Variants in PTPRD observed in about 807,000 individuals in gnomAD.
The protein encoded by PTPRD is protein tyrosine phosphatase receptor type D, also known as receptor-type tyrosine-protein phosphatase delta.
In PTPRD, 34 loss-of-function variants were observed where a neutral mutation model predicts 214.5. That is an observed-to-expected ratio of 0.16 (90% CI 0.12 to 0.21). The LOEUF (loss-of-function observed/expected upper bound fraction) is 0.21, where lower values mean the gene tolerates loss of function less well. PTPRD is among the 10% of genes least tolerant of loss of function. The probability of loss-of-function intolerance (pLI) is 1.00; values close to 1 mark genes in which losing one functional copy is unlikely to be tolerated. For missense variants in PTPRD, 2,545 were observed against 2,398.7 expected, an observed-to-expected ratio of 1.06 and a Z score of -1.27; for synonymous variants, 1,128 against 845.7, an observed-to-expected ratio of 1.33 and a Z score of -5.79.
chr9:9,257,158 G>T (rs188279842), intron 9 of PTPRD, among the ~76,000 whole-genome samples: 3 of 151,968 alleles, frequency 2.0e-5, no homozygotes, highest in East Asian at 3.9e-4. Context: ...CCTCTTTTGT[G>T]GGGGGTAGAA....
chr9:10,528,496 A>C (rs572718985), intron 2 of PTPRD, among the ~76,000 whole-genome samples: 32 of 152,276 alleles, frequency 2.1e-4, no homozygotes, highest in African/African-American at 7.5e-4. Flanking sequence ...TTTTACCACC[A>C]CAAGAATGTC....
rs181816573 is a variant in PTPRD, at chr9:9,246,394, A to G, written c.-202-63031T>C. ...CAGAAAAATCACCAGATTAGCTTAT[A>G]CATACACAAACTTTGTGCCTATTCC... On this transcript the variant is annotated intron_variant, in intron 9 of 45. Coordinates refer to ENST00000381196, the MANE Select transcript of PTPRD (RefSeq NM_002839.4). 4.6e-5 allele frequency among the ~76,000 whole-genome samples: 7 copies of G among 152,200 alleles called. No individual in the cohort carries two copies. In the East Asian group the frequency reaches 1.4e-3, roughly 30 times the overall value.
At chr9:10,053,164 T>C (rs2097564311) in intron 3 of PTPRD, among the ~76,000 whole-genome samples, 1 of 152,210 alleles carries the variant, frequency 6.6e-6, no homozygotes, top group East Asian at 1.9e-4. Context: ...GATTGACTTA[T>C]GATCCATGTA....
intron 39 of PTPRD, among the ~76,000 whole-genome samples, chr9:8,344,718 G>A (rs1275394550): frequency 6.6e-6 from 1 of 151,948 alleles, no homozygotes; most frequent in Admixed American, 6.6e-5. Context: ...TTCGCTTGAA[G>A]CAAGACCTTG....
At chr9:8,595,655 C>T (rs1041758756) in intron 14 of PTPRD, among the ~76,000 whole-genome samples, 10 of 152,170 alleles carry the variant, frequency 6.6e-5, no homozygotes, top group African/African-American at 2.2e-4. Context: ...TAATGCTATT[C>T]ATGAAGTGCA....
At chr9:10,004,403 A>G (rs917821764) in intron 4 of PTPRD, among the ~76,000 whole-genome samples, 4 of 151,972 alleles carry the variant, frequency 2.6e-5, no homozygotes. Context: ...TATTTAAATA[A>G]TATTTGCAGA....
intron 5 of PTPRD, among the ~76,000 whole-genome samples, chr9:9,895,664 T>C (rs2153792709): frequency 6.6e-6 from 1 of 152,074 alleles, no homozygotes; most frequent in East Asian, 1.9e-4. Context: ...GTTTAAGAGA[T>C]CTATTATACT....
At chr9:9,686,609 C>A (rs928170870) in intron 7 of PTPRD, among the ~76,000 whole-genome samples, 9 of 151,610 alleles carry the variant, frequency 5.9e-5, no homozygotes, top group African/African-American at 1.7e-4. Context: ...TACATTTCTA[C>A]ATAAATTTTA....
chr9:10,496,689 C>A (rs369151230), intron 2 of PTPRD, among the ~76,000 whole-genome samples: 1 of 152,050 alleles, frequency 6.6e-6, no homozygotes, highest in East Asian at 1.9e-4. Flanking sequence ...TTTTAATTTG[C>A]ATTTCTCTGA....
rs534124978 is a variant in PTPRD at position 10,192,894 on chromosome 9, A to C, written c.-545+148069T>G. Among the ~76,000 whole-genome samples the C allele has an allele frequency of 2.0e-5, 3 of 152,294 alleles. No individual in the cohort carries two copies. In the East Asian group the frequency reaches 5.8e-4, roughly 29 times the overall value. ...GATTCTAAGAAGGATAACAGCCTAAAGCTTCCTAAGCAGGGAGACATCTAC... is the reference window on the plus strand; with the variant it reads ...GATTCTAAGAAGGATAACAGCCTAACGCTTCCTAAGCAGGGAGACATCTAC... On this transcript the variant is annotated intron_variant, in intron 3 of 45. Coordinates refer to ENST00000381196, the MANE Select transcript of PTPRD (RefSeq NM_002839.4).
At chr9:8,378,085 C>G (rs2083804928) in intron 37 of PTPRD, among the ~76,000 whole-genome samples, 1 of 152,048 alleles carries the variant, frequency 6.6e-6, no homozygotes, top group Admixed American at 6.6e-5. Flanking sequence ...AACTTTGAGA[C>G]CACACAAACA....
At chr9:9,120,652 A>G (rs968901414) in intron 10 of PTPRD, among the ~76,000 whole-genome samples, 10 of 152,188 alleles carry the variant, frequency 6.6e-5, no homozygotes, top group African/African-American at 2.2e-4. Flanking sequence ...GAGGGTAAAA[A>G]TTCATCTTCT....
intron 12 of PTPRD, among the ~76,000 whole-genome samples, chr9:8,702,841 T>A (rs1565405999): frequency 6.6e-6 from 1 of 152,136 alleles, no homozygotes; most frequent in Non-Finnish European, 1.5e-5. Context: ...ACTCCTGATC[T>A]TGTGATTCGC....
At chr9:10,476,911 G>C (rs753176804) in intron 2 of PTPRD, among the ~76,000 whole-genome samples, 12 of 152,242 alleles carry the variant, frequency 7.9e-5, no homozygotes, top group Non-Finnish European at 1.3e-4. Flanking sequence ...AATAAATGGT[G>C]CTGTAAAAAC....
chr9:9,331,811 T>C (rs72698843), intron 9 of PTPRD, among the ~76,000 whole-genome samples: 9,432 of 152,010 alleles, frequency 0.062, 807 homozygotes, highest in East Asian at 0.42. Context: ...GCATGCACAA[T>C]TGGGGCTGTT....
intron 10 of PTPRD, among the ~76,000 whole-genome samples, chr9:9,120,060 C>T (rs2099816158): frequency 6.6e-6 from 1 of 152,006 alleles, no homozygotes; most frequent in Non-Finnish European, 1.5e-5. Context: ...AACATTTTTC[C>T]TTGAAAGATG....
At chr9:8,963,689 G>A (rs952891704) in intron 11 of PTPRD, among the ~76,000 whole-genome samples, 1 of 151,914 alleles carries the variant, frequency 6.6e-6, no homozygotes, top group African/African-American at 2.4e-5. Context: ...GTGCCAACAT[G>A]GCTTGCTGCA....
intron 4 of PTPRD, among the ~76,000 whole-genome samples, chr9:9,955,668 T>C (rs7044634): frequency 0.063 from 9,637 of 151,872 alleles, 564 homozygotes; most frequent in East Asian, 0.19. Context: ...GGACTACAGG[T>C]GCCCGCCACC....
intron 3 of PTPRD, among the ~76,000 whole-genome samples, chr9:10,212,709 T>C (rs1239703005): frequency 2.0e-5 from 3 of 152,140 alleles, no homozygotes; most frequent in Non-Finnish European, 2.9e-5. Context: ...AGAGCCTCTG[T>C]TCAAAAAATT....
Sources: gnomAD v4.1 joint callset for allele counts (sites outside exome capture counted in the v4.1 genomes callset) on GRCh38, gnomAD v4.1.1 for gene constraint, MANE v1.5 for transcripts, NCBI Gene and HGNC (gene_info 2026-07-23, HGNC 2026-07-21) for gene names.